Variants in RASSF7 observed in about 807,000 individuals in gnomAD.
RASSF7 encodes the protein Ras association domain family member 7.
A neutral mutation model predicts 33.8 loss-of-function variants in RASSF7; 41 were observed. The observed-to-expected ratio is 1.21, with a 90% confidence interval of 0.95 to 1.57. RASSF7 has a LOEUF of 1.57. Ranked by LOEUF, RASSF7 falls within the 40% of genes most tolerant of loss-of-function variation. RASSF7 has a pLI of 0.00. For synonymous variants in RASSF7, 298 were observed against 212.8 expected (o/e 1.40, Z -3.48); for missense variants, 622 against 497.0 (o/e 1.25, Z -2.39).
intron 3 of RASSF7, 34 bp from the exon 4 acceptor site, chr11:563,155 G>A (rs748774156): frequency 3.9e-6 from 6 of 1,532,566 alleles, no homozygotes; most frequent in East Asian, 4.5e-5. Context: ...GGAGCCCAGT[G>A]GCTGTGCCTC....
At position 561,797 on chromosome 11, in the gene RASSF7, T is replaced by C. The variant is rs1441353796; in HGVS notation, c.29T>C (p.Leu10Pro). 1.2e-6 allele frequency: 2 copies of C among 1,613,276 alleles called. No homozygotes were observed. Among genetic ancestry groups the C allele is most frequent in the South Asian group, 1.1e-5 (1 of 91,082 alleles). MLLGLAAME[L>P]KVWVDGIQRV... ...TTGTTGGGACTGGCGGCCATGGAGC[T>C]GAAGGTGTGGGTGGATGGCATCCAG... Residue 10 changes from leucine (L) to proline (P), a missense_variant, in exon 2 of 6, where the codon CTG becomes CCG. By Grantham distance (98) the Leu-to-Pro change is moderately conservative. Transcript: ENST00000397583.
In RASSF7 at chr11:563,217, A is replaced by T; in HGVS notation, c.851A>T (p.Asn284Ile). 1.3e-6 allele frequency: 2 copies of T among 1,595,866 alleles called. No individual in the cohort carries two copies. Among genetic ancestry groups the T allele is most frequent in the Non-Finnish European group, 1.7e-6 (2 of 1,168,180 alleles). The stretch of plus-strand genomic sequence containing the variant: ...CAGGCTCAGGAGCTGGAGGAGCTGA[A>T]CCGAGAGCTCCGTCAGTGCAACCTG... The part of the protein sequence containing the change: ...QAQAQELEEL[N>I]RELRQCNLQQ... Residue 284 changes from asparagine (N) to isoleucine (I), a missense_variant, in exon 4 of 6, where the codon AAC (asparagine) becomes ATC (isoleucine). Physicochemically the swap from Asn to Ile is moderately radical, Grantham distance 149 (BLOSUM62 -3). Coordinates refer to ENST00000397583, the MANE Select transcript of RASSF7 (RefSeq NM_003475.4).
rs1042607528 is a variant in RASSF7 at position 562,253 on chromosome 11, G to A, written c.299G>A (p.Cys100Tyr). Residue 100 changes from cysteine (C) to tyrosine (Y), a missense_variant, in exon 3 of 6, where the codon TGT (cysteine) becomes TAT (tyrosine). Physicochemically the swap from Cys to Tyr is radical, Grantham distance 194. Coordinates refer to ENST00000397583, the MANE Select transcript of RASSF7 (RefSeq NM_003475.4). ...GCTGGGAGGCCCTCCTCAGACAGCTGTCCACCCCCGGAACGCTGCCTAATT... is the reference window on the plus strand; with the variant it reads ...GCTGGGAGGCCCTCCTCAGACAGCTATCCACCCCCGGAACGCTGCCTAATT... ...SLAGRPSSDS[C>Y]PPPERCLIRA... 8 of 1,612,842 alleles carry A rather than the reference G, an allele frequency of 5.0e-6. No individual in the cohort carries two copies. Among genetic ancestry groups the A allele is most frequent in the South Asian group, 1.1e-5 (1 of 91,072 alleles).
In RASSF7 at chr11:563,849, C is replaced by T; in HGVS notation, c.*204C>T. ...GTAGCCAGCTCGGAACTTGCCAGGC[C>T]CCAAAGGCCACGACTGCCTGTTGGG... On this transcript the variant is annotated 3_prime_UTR_variant, in exon 6 of 6. Coordinates refer to ENST00000397583, the MANE Select transcript of RASSF7 (RefSeq NM_003475.4). 1 of 598,106 alleles carries T rather than the reference C, an allele frequency of 1.7e-6. No homozygotes were observed. The highest frequency in any genetic ancestry group is 2.0e-5 in the South Asian group (1 of 49,216). 37.0% of individuals were successfully genotyped at this position (598,106 alleles called of 1,614,324 possible). A position where few individuals can be genotyped will look rare whatever the true frequency, so the allele number is the denominator to read the frequency against.
rs1200355795 is a variant in RASSF7 at position 561,385 on chromosome 11, T to C, written c.-100T>C. 12 of 1,089,922 alleles carry C rather than the reference T, an allele frequency of 1.1e-5. No individual in the cohort carries two copies. Among genetic ancestry groups the C allele is most frequent in the Non-Finnish European group, 1.3e-5 (12 of 895,244 alleles). The allele number at this position is 1,089,922 out of a possible 1,614,324, so 67.5% of individuals were successfully genotyped here. ...CGAGCGCCTCTGCGGCCTGAGCAGG[T>C]CGGGGTGGGGCGTTCCCATGCCGGC... On this transcript the variant is annotated 5_prime_UTR_variant, in exon 1 of 6. Coordinates refer to ENST00000397583, the MANE Select transcript of RASSF7 (RefSeq NM_003475.4).
At chr11:563,528 G>A (rs1180288987) in intron 5 of RASSF7, 30 bp from the exon 6 acceptor site, 2 of 1,610,252 alleles carry the variant, frequency 1.2e-6, no homozygotes, top group Non-Finnish European at 8.5e-7. Flanking sequence ...TCCTGTGGCT[G>A]CAGCCACCTC....
In RASSF7 at chr11:562,760, C is replaced by T. The variant is rs926712662; in HGVS notation, c.806C>T (p.Ala269Val). Residue 269 changes from alanine to valine, a missense_variant, in exon 3 of 6, where the codon GCA (alanine) becomes GTA (valine). By Grantham distance (64) the Ala-to-Val change is moderately conservative. Coordinates refer to ENST00000397583, the MANE Select transcript of RASSF7 (RefSeq NM_003475.4). ...CTGGTGAGCCGGGCCCTGGAGGCAG[C>T]AGAGCGAGCCTTGCAGGTGAGCCCG... ...LALVSRALEA[A>V]ERALQAQAQE... 1.7e-5 allele frequency: 26 copies of T among 1,507,304 alleles called. No homozygotes were observed. The highest frequency in any genetic ancestry group is 2.1e-5 in the Non-Finnish European group (24 of 1,131,658). The allele number at this position is 1,507,304 out of a possible 1,614,324, so 93.4% of individuals were successfully genotyped here. A position where few individuals can be genotyped will look rare whatever the true frequency, so the allele number is the denominator to read the frequency against.
chr11:560,993 C>G lies in RASSF7; in HGVS notation c.-492C>G. ...CCGCGGCGCTGGGGGCGGCAGGTTG[C>G]GGCGGCGCCGGAGCGGGTCTCCAGG... On this transcript the variant is annotated 5_prime_UTR_variant, in exon 1 of 6. Coordinates refer to ENST00000397583, the MANE Select transcript of RASSF7 (RefSeq NM_003475.4). 4 of 1,049,484 alleles carry G rather than the reference C, an allele frequency of 3.8e-6. No homozygotes were observed. Among genetic ancestry groups the G allele is most frequent in the Non-Finnish European group, 3.4e-6 (3 of 872,470 alleles). The allele number at this position is 1,049,484 out of a possible 1,614,324, so 65.0% of individuals were successfully genotyped here.
Position 561,425 on chromosome 11 carries a change from G to A in RASSF7, c.-60G>A, listed in dbSNP as rs1223214044. 2 of 1,148,092 alleles carry A rather than the reference G, an allele frequency of 1.7e-6. No homozygotes were observed. Among genetic ancestry groups the A allele is most frequent in the African/African-American group, 3.3e-5 (2 of 61,496 alleles). 71.1% of individuals were successfully genotyped at this position (1,148,092 alleles called of 1,614,324 possible). ...CCCATGCCGGCGGCCGCGGGGCCTG[G>A]CGTGCGGGCGCCTCCGCGCCGCCCG... On this transcript the variant is annotated 5_prime_UTR_variant, in exon 1 of 6. Transcript: ENST00000397583.
In RASSF7 at chr11:561,343, G is replaced by A; in HGVS notation, c.-142G>A. 9.8e-7 allele frequency: 1 copy of A among 1,020,134 alleles called. No individual in the cohort carries two copies. The allele number at this position is 1,020,134 out of a possible 1,614,324, so 63.2% of individuals were successfully genotyped here. A position where few individuals can be genotyped will look rare whatever the true frequency, so the allele number is the denominator to read the frequency against. ...GAGTCTGCTCCATCTGCAGGGTCGA[G>A]GTCTGGGTTGCGACCCCGAGCGCCT... On this transcript the variant is annotated 5_prime_UTR_variant, in exon 1 of 6. Coordinates refer to ENST00000397583, the MANE Select transcript of RASSF7 (RefSeq NM_003475.4).
rs1259402743 is a variant in RASSF7 at position 563,198 on chromosome 11, CAGGAGCTGG to C, written c.841_849del (p.Glu281_Leu283del). The C allele has an allele frequency of 7.6e-6, 12 of 1,581,108 alleles. No individual in the cohort carries two copies. The highest frequency in any genetic ancestry group is 2.3e-5 in the South Asian group (2 of 87,414). Reference sequence around the variant, plus strand: ...TCTCATGTGTCCCCAGGCTCAGGCTCAGGAGCTGGAGGAGCTGAACCGAGAGCTCCGTCA... The same window carrying C: ...TCTCATGTGTCCCCAGGCTCAGGCTCAGGAGCTGAACCGAGAGCTCCGTCA... On this transcript the variant is annotated inframe_deletion, in exon 4 of 6. Coordinates refer to ENST00000397583, the MANE Select transcript of RASSF7 (RefSeq NM_003475.4).
In RASSF7 at chr11:561,242, G is replaced by A. The variant is rs1853282271; in HGVS notation, c.-243G>A. Reference sequence around the variant, plus strand: ...GGCTTCGGTGCCCGCGGCGGGGACCGGGACTTTCGGGGCGAGCGCAGCGAT... The same window carrying A: ...GGCTTCGGTGCCCGCGGCGGGGACCAGGACTTTCGGGGCGAGCGCAGCGAT... On this transcript the variant is annotated 5_prime_UTR_variant, in exon 1 of 6. Coordinates refer to ENST00000397583, the MANE Select transcript of RASSF7 (RefSeq NM_003475.4). The A allele has an allele frequency of 3.0e-6, 3 of 985,452 alleles. No individual in the cohort carries two copies. The highest frequency in any genetic ancestry group is 3.6e-6 in the Non-Finnish European group (3 of 829,934). 61.0% of individuals were successfully genotyped at this position (985,452 alleles called of 1,614,324 possible). A position where few individuals can be genotyped will look rare whatever the true frequency, so the allele number is the denominator to read the frequency against.
chr11:561,454 A>G lies in RASSF7; in HGVS notation c.-31A>G, dbSNP rs899847064. 2 of 1,163,032 alleles carry G rather than the reference A, an allele frequency of 1.7e-6. No homozygotes were observed. The highest frequency in any genetic ancestry group is 4.7e-5 in the East Asian group (1 of 21,092). 72.0% of individuals were successfully genotyped at this position (1,163,032 alleles called of 1,614,324 possible). On this transcript the variant is annotated 5_prime_UTR_variant, in exon 1 of 6. Transcript: ENST00000397583. ...GCGGGCGCCTCCGCGCCGCCCGGGG[A>G]GGGGGCAGTGTCCTCCGAGCCAGGT...
chr11:561,474 C>T lies in RASSF7; in HGVS notation c.-11C>T, dbSNP rs1853298395. The stretch of plus-strand genomic sequence containing the variant: ...CGGGGAGGGGGCAGTGTCCTCCGAG[C>T]CAGGTGAGGCGAGTAGGAAATGCTG... On this transcript the variant is annotated 5_prime_UTR_variant, in exon 1 of 6. Coordinates refer to ENST00000397583, the MANE Select transcript of RASSF7 (RefSeq NM_003475.4). 1 of 1,267,044 alleles carries T rather than the reference C, an allele frequency of 7.9e-7. No homozygotes were observed. Among genetic ancestry groups the T allele is most frequent in the Non-Finnish European group, 1.0e-6 (1 of 997,428 alleles). The allele number at this position is 1,267,044 out of a possible 1,614,324, so 78.5% of individuals were successfully genotyped here.
Position 563,658 on chromosome 11 carries a change from G to T in RASSF7, c.*13G>T, listed in dbSNP as rs375760553. On this transcript the variant is annotated 3_prime_UTR_variant, in exon 6 of 6. Transcript: ENST00000397583. ...CCAGGCTCTGTGACAGCCTAGTGAG[G>T]GCTGCAAGACCATCCTGCCCGGACC... is the stretch of plus-strand genomic sequence containing the variant. The T allele has an allele frequency of 3.9e-4, 620 of 1,601,736 alleles. 1 individual carries two copies. In the Middle Eastern group the frequency reaches 4.8e-3, roughly 12 times the overall value.
rs779185468 is a variant in RASSF7 at position 561,791 on chromosome 11, T to C, written c.23T>C (p.Met8Thr). The C allele has an allele frequency of 3.7e-6, 6 of 1,613,190 alleles. No homozygotes were observed. In the South Asian group the frequency reaches 4.4e-5, roughly 12 times the overall value. The change falls in exon 2 of 6, where the codon ATG becomes ACG. Residue 8 changes from methionine (M) to threonine (T), a missense_variant. Transcript: ENST00000397583. MLLGLAA[M>T]ELKVWVDGIQ... ...GGCATGTTGTTGGGACTGGCGGCCATGGAGCTGAAGGTGTGGGTGGATGGC... is the reference window on the plus strand; with the variant it reads ...GGCATGTTGTTGGGACTGGCGGCCACGGAGCTGAAGGTGTGGGTGGATGGC...
chr11:563,393 C>T lies in RASSF7; in HGVS notation c.952-3C>T, dbSNP rs1853433612. Reference sequence around the variant, plus strand: ...CACTCCAAGCTGACTTCCCAACCCACAGGGCCCTCTGCCTCCAGCCAGAGA... The same window carrying T: ...CACTCCAAGCTGACTTCCCAACCCATAGGGCCCTCTGCCTCCAGCCAGAGA... On this transcript the variant is annotated splice_polypyrimidine_tract_variant and splice_region_variant and intron_variant, in intron 4 of 5. Transcript: ENST00000397583. The T allele has an allele frequency of 2.5e-6, 4 of 1,611,324 alleles. No homozygotes were observed. The Middle Eastern group carries it at 5.0e-4, about 200-fold the overall frequency.
At position 563,555 on chromosome 11, in the gene RASSF7, C is replaced by CA. The variant is rs1467138372; in HGVS notation, c.1035-2dup. The CA allele has an allele frequency of 1.2e-6, 2 of 1,611,950 alleles. No homozygotes were observed. The highest frequency in any genetic ancestry group is 3.3e-5 in the Admixed American group (2 of 59,966). ...AGCCACCTCAGCCTGTGTCCTCCCGCAGTGGCCCCCATGACGCAGAACTCC... is the reference window on the plus strand; with the variant it reads ...AGCCACCTCAGCCTGTGTCCTCCCGCAAGTGGCCCCCATGACGCAGAACTCC... On this transcript the variant is annotated splice_polypyrimidine_tract_variant and splice_region_variant and intron_variant, in intron 5 of 5. Transcript: ENST00000397583.
At position 562,766 on chromosome 11, in the gene RASSF7, G is replaced by T; in HGVS notation, c.812G>T (p.Arg271Leu). ...AGCCGGGCCCTGGAGGCAGCAGAGC[G>T]AGCCTTGCAGGTGAGCCCGGGGACC... ...LVSRALEAAE[R>L]ALQAQAQELE... The change falls in exon 3 of 6, where the codon CGA (arginine) becomes CTA (leucine). Residue 271 changes from arginine (R) to leucine (L), a missense_variant. Transcript: ENST00000397583. The T allele has an allele frequency of 2.0e-6, 3 of 1,503,952 alleles. No homozygotes were observed. Among genetic ancestry groups the T allele is most frequent in the Non-Finnish European group, 1.8e-6 (2 of 1,130,124 alleles). 93.2% of individuals were successfully genotyped at this position (1,503,952 alleles called of 1,614,324 possible). A position where few individuals can be genotyped will look rare whatever the true frequency, so the allele number is the denominator to read the frequency against.
Sources: gnomAD v4.1 joint callset for allele counts on GRCh38, gnomAD v4.1.1 for gene constraint, MANE v1.5 for transcripts, NCBI Gene and HGNC (gene_info 2026-07-23, HGNC 2026-07-21) for gene names.